DRC11: variants seen among roughly 807,000 people sequenced by gnomAD.
DRC11 encodes the protein dynein regulatory complex subunit 11, also known as IQ and AAA domain-containing protein 1.
chr2:236,416,721 T>TATATATATA, the DRC11 span, among the ~76,000 whole-genome samples: 1 of 64,248 alleles, frequency 1.6e-5, no homozygotes, highest in Non-Finnish European at 2.9e-5. Context: ...ATATATATAT[T>TATATATATA]TATATATATA....
At chr2:236,440,497 A>G in the DRC11 span, among the ~76,000 whole-genome samples, 1 of 152,368 alleles carries the variant, frequency 6.6e-6, no homozygotes, top group African/African-American at 2.4e-5. Context: ...ACATTAAAAA[A>G]ATAGTTTTAA....
At chr2:236,404,558 GT>G in the DRC11 span, among the ~76,000 whole-genome samples, 1 of 152,206 alleles carries the variant, frequency 6.6e-6, no homozygotes, top group Non-Finnish European at 1.5e-5. Context: ...AACGGTGCTG[GT>G]TTAATGGTCA....
the DRC11 span, among the ~76,000 whole-genome samples, chr2:236,480,601 A>G: frequency 6.6e-6 from 1 of 152,192 alleles, no homozygotes; most frequent in South Asian, 2.1e-4. Flanking sequence ...TTTGTTAAAA[A>G]TTTCTCTGAC....
chr2:236,399,820 A>G, the DRC11 span, among the ~76,000 whole-genome samples: 1 of 152,112 alleles, frequency 6.6e-6, no homozygotes, highest in Non-Finnish European at 1.5e-5. This position sits in a 1 kb window ranked among gnomAD's most constrained non-coding sequence, Gnocchi z 7.0. Flanking sequence ...GGCTTAAACA[A>G]TCCTCCTGCC....
chr2:236,481,187 C>T, the DRC11 span, among the ~76,000 whole-genome samples: 3 of 152,216 alleles, frequency 2.0e-5, no homozygotes, highest in African/African-American at 7.2e-5. Context: ...GATGCTAGTC[C>T]TGCCTTTCCC....
the DRC11 span, among the ~76,000 whole-genome samples, chr2:236,357,951 AAATATATAT>A: frequency 1.4e-4 from 16 of 115,284 alleles, no homozygotes; most frequent in Admixed American, 7.9e-4. Context: ...TATAATATAT[AAATATATAT>A]AATATATGAA....
the DRC11 span, among the ~76,000 whole-genome samples, chr2:236,328,031 T>C: frequency 6.6e-6 from 1 of 152,242 alleles, no homozygotes; most frequent in Non-Finnish European, 1.5e-5. The surrounding 1 kb of genome is among the most constrained non-coding windows in gnomAD (Gnocchi z 6.7). Context: ...TCCTCCCTAA[T>C]GTTTCTGGTC....
the DRC11 span, among the ~76,000 whole-genome samples, chr2:236,450,547 T>C: frequency 0.26 from 39,455 of 151,752 alleles, 5,420 homozygotes; most frequent in African/African-American, 0.33. Flanking sequence ...CTAGATCTCT[T>C]GACCTCGTGA....
At chr2:236,491,902 A>G in the DRC11 span, among the ~76,000 whole-genome samples, 5,410 of 152,280 alleles carry the variant, frequency 0.036, 298 homozygotes, top group East Asian at 0.2. Context: ...CTTAGTCCCC[A>G]ATGCAACAGT....
chr2:236,314,934 G>T, the DRC11 span, among the ~76,000 whole-genome samples: 2 of 152,118 alleles, frequency 1.3e-5, no homozygotes, highest in Non-Finnish European at 2.9e-5. This position sits in a 1 kb window ranked among gnomAD's most constrained non-coding sequence, Gnocchi z 4.5. Flanking sequence ...TGGTGGAAAT[G>T]CATAAGCTGA....
the DRC11 span, among the ~76,000 whole-genome samples, chr2:236,496,918 A>G: frequency 2.6e-5 from 4 of 152,168 alleles, no homozygotes; most frequent in Admixed American, 2.6e-4. This position sits in a 1 kb window ranked among gnomAD's most constrained non-coding sequence, Gnocchi z 6.3. Context: ...ATGTCAGGTA[A>G]GACCACAGCC....
chr2:236,408,753 G>T, the DRC11 span: 1 of 681,674 alleles, frequency 1.5e-6, no homozygotes. This position sits in a 1 kb window ranked among gnomAD's most constrained non-coding sequence, Gnocchi z 5.5. Flanking sequence ...GATGTACTGA[G>T]CGAAGATGGT....
the DRC11 span, among the ~76,000 whole-genome samples, chr2:236,500,082 AGATGATGATGATGATGAT>A: frequency 6.6e-6 from 1 of 150,478 alleles, no homozygotes; most frequent in Non-Finnish European, 1.5e-5. This position sits in a 1 kb window ranked among gnomAD's most constrained non-coding sequence, Gnocchi z 6.3. Context: ...TTTTGGGTTC[AGATGATGATGATGATGAT>A]GATGATGATG....
the DRC11 span, among the ~76,000 whole-genome samples, chr2:236,318,312 C>T: frequency 3.3e-5 from 5 of 152,162 alleles, no homozygotes; most frequent in South Asian, 2.1e-4. This position sits in a 1 kb window ranked among gnomAD's most constrained non-coding sequence, Gnocchi z 7.0. Context: ...CTGTCCCTGC[C>T]GCAGCCCTGG....
chr2:236,404,663 G>A, the DRC11 span, among the ~76,000 whole-genome samples: 3 of 152,174 alleles, frequency 2.0e-5, no homozygotes, highest in Non-Finnish European at 4.4e-5. Flanking sequence ...AGCACACCAT[G>A]GGCCTGGAGT....
chr2:236,395,407 T>TA, the DRC11 span, among the ~76,000 whole-genome samples: 1 of 152,232 alleles, frequency 6.6e-6, no homozygotes, highest in Non-Finnish European at 1.5e-5. Context: ...ATACATTGTC[T>TA]AAAGCATCCC....
chr2:236,344,708 G>A, the DRC11 span: 10 of 1,195,348 alleles, frequency 8.4e-6, no homozygotes, highest in South Asian at 7.7e-5. Context: ...CAGAGCCCTG[G>A]TTGTAAATGC....
chr2:236,408,881 G>A, the DRC11 span: 10 of 654,760 alleles, frequency 1.5e-5, no homozygotes, highest in East Asian at 5.8e-5. The surrounding 1 kb of genome is among the most constrained non-coding windows in gnomAD (Gnocchi z 5.5). Context: ...TCTTGTTCAC[G>A]TTGGATCCTA....
At chr2:236,493,434 A>G in the DRC11 span, among the ~76,000 whole-genome samples, 1 of 152,230 alleles carries the variant, frequency 6.6e-6, no homozygotes, top group Admixed American at 6.5e-5. Flanking sequence ...GCACTTAATT[A>G]TTTTACATGA....
Sources: gnomAD v4.1 joint callset for allele counts (sites outside exome capture counted in the v4.1 genomes callset) on GRCh38, gnomAD v4.1.1 for gene constraint, Gnocchi (gnomAD v3.1) non-coding constraint, MANE v1.5 for transcripts, NCBI Gene and HGNC (gene_info 2026-07-23, HGNC 2026-07-21) for gene names.